The following DEAF1 variants were observed in gnomAD, a reference collection of about 807,000 sequenced individuals.
DEAF1 encodes the protein DEAF1 transcription factor.
A neutral mutation model predicts 58.9 loss-of-function variants in DEAF1; 53 were observed. That is an observed-to-expected ratio of 0.90 (90% CI 0.72 to 1.13). The LOEUF (loss-of-function observed/expected upper bound fraction) is 1.13, where lower values mean the gene tolerates loss of function less well. DEAF1 is among the 50% of genes most tolerant of loss of function. DEAF1 has a pLI of 0.00. For synonymous variants in DEAF1, 385 were observed against 340.4 expected (o/e 1.13, Z -1.44); for missense variants, 685 against 791.4 (o/e 0.87, Z 1.61).
chr11:703,663 G>C, intron 1 of DEAF1: 1 of 1,232,498 alleles, frequency 8.1e-7, no homozygotes, highest in Non-Finnish European at 1.0e-6. Flanking sequence ...CTTGTGCTCT[G>C]AGCAACCCCA....
chr11:676,591 C>G (rs1032001539), intron 9 of DEAF1, among the ~76,000 whole-genome samples: 4 of 151,838 alleles, frequency 2.6e-5, no homozygotes, highest in African/African-American at 4.8e-5. Flanking sequence ...TGGCTCACTG[C>G]CCTCCCGGGT....
chr11:660,741 G>A (rs955204620), intron 10 of DEAF1, among the ~76,000 whole-genome samples: 3 of 152,224 alleles, frequency 2.0e-5, no homozygotes, highest in African/African-American at 7.2e-5. Flanking sequence ...GTCTGGCCGG[G>A]CCTATTTGGC....
intron 10 of DEAF1, among the ~76,000 whole-genome samples, chr11:670,771 G>GT (rs199899292): frequency 1.1e-3 from 49 of 45,286 alleles, no homozygotes; most frequent in Non-Finnish European, 1.3e-3. Context: ...TTTTCTTTTT[G>GT]TTTTTGTTTT....
At chr11:680,481 G>A (rs910317581) in intron 7 of DEAF1, among the ~76,000 whole-genome samples, 4 of 152,190 alleles carry the variant, frequency 2.6e-5, no homozygotes, top group African/African-American at 7.2e-5. Flanking sequence ...ATGGTGGCAC[G>A]TGCCTGTGGT....
At chr11:657,107 GACCCACCTGGC>G (rs146245170) in intron 10 of DEAF1, among the ~76,000 whole-genome samples, 11,918 of 152,004 alleles carry the variant, frequency 0.078, 615 homozygotes, top group Admixed American at 0.18. Flanking sequence ...AGCAGCACCG[GACCCACCTGGC>G]ACCCACCTGG....
intron 10 of DEAF1, among the ~76,000 whole-genome samples, chr11:662,596 G>A (rs1186346869): frequency 1.3e-5 from 2 of 152,160 alleles, no homozygotes; most frequent in East Asian, 3.9e-4. Flanking sequence ...CAGGTGAAGG[G>A]ACACAGGTTG....
chr11:651,763 G>A (rs1858783142), intron 11 of DEAF1, among the ~76,000 whole-genome samples: 1 of 152,192 alleles, frequency 6.6e-6, no homozygotes. Flanking sequence ...GCGGGTGCCT[G>A]TGGTCCCAGC....
intron 9 of DEAF1, among the ~76,000 whole-genome samples, chr11:675,348 G>C (rs1372982692): frequency 2.0e-5 from 3 of 152,212 alleles, no homozygotes; most frequent in African/African-American, 7.2e-5. Flanking sequence ...GCAGGACCTT[G>C]CCTCTACAAA....
At chr11:681,477 C>A (rs1860368002) in intron 6 of DEAF1, among the ~76,000 whole-genome samples, 1 of 149,796 alleles carries the variant, frequency 6.7e-6, no homozygotes, top group African/African-American at 2.5e-5. Flanking sequence ...GTGGCACAAT[C>A]TGGGCTCACT....
At chr11:678,504 G>A in intron 9 of DEAF1, 190 bp downstream of exon 9, 2 of 773,474 alleles carry the variant, frequency 2.6e-6, no homozygotes, top group South Asian at 1.5e-5. Context: ...ATGAATGGAC[G>A]TGGCTGTGTG....
intron 9 of DEAF1, among the ~76,000 whole-genome samples, chr11:676,357 C>G (rs1860080810): frequency 7.8e-6 from 1 of 128,264 alleles, no homozygotes; most frequent in African/African-American, 3.0e-5. Context: ...CTGACATCCC[C>G]GAGCACTCAG....
intron 1 of DEAF1, chr11:703,991 T>C: frequency 8.2e-7 from 1 of 1,225,568 alleles, no homozygotes; most frequent in Non-Finnish European, 1.0e-6. Context: ...CCTTAAAAAG[T>C]ATCTAAGCTG....
At chr11:702,941 C>G (rs996706507) in intron 1 of DEAF1, 1 of 1,604,136 alleles carries the variant, frequency 6.2e-7, no homozygotes, top group African/African-American at 1.3e-5. Context: ...GCTCTGTTCT[C>G]CAGGCACCAG....
At chr11:698,507 C>T (rs1010179086), upstream of DEAF1, among the ~76,000 whole-genome samples, 1 of 152,190 alleles carries the variant, frequency 6.6e-6, no homozygotes, top group African/African-American at 2.4e-5. Context: ...GTGGCAAATA[C>T]GGAGAAGCCA....
chr11:667,215 T>C (rs1210299258), intron 10 of DEAF1, among the ~76,000 whole-genome samples: 4 of 152,000 alleles, frequency 2.6e-5, no homozygotes, highest in African/African-American at 9.7e-5. Context: ...CTAGCTACTC[T>C]GGAGGCTAAG....
Position 644,571 on chromosome 11 carries a change from C to T in DEAF1, c.1677G>A (p.Val559=). Residue 559 remains valine, a synonymous_variant, in exon 12 of 12, where the codon GTG becomes GTA. Transcript: ENST00000382409. The surrounding 1 kb of genome is among the most constrained non-coding windows in gnomAD (Gnocchi z 4.3). The stretch of plus-strand genomic sequence containing the variant: ...AGCCTCACACGGTCACCTTCTCCAT[C>T]ACGCTTTCAGCCACGTGGACTTCGT... ...QADEVHVAES[V]MEKVTV 1 of 1,613,098 alleles carries T rather than the reference C, an allele frequency of 6.2e-7. No individual in the cohort carries two copies. The highest frequency in any genetic ancestry group is 1.7e-5 in the Admixed American group (1 of 60,006).
chr11:700,598 G>A (rs751098365), intron 1 of DEAF1: 14 of 1,608,598 alleles, frequency 8.7e-6, no homozygotes, highest in South Asian at 3.3e-5. Context: ...TGTTCCGTCC[G>A]CGCCTCTGCT....
intron 8 of DEAF1, 22 bp downstream of exon 8, chr11:679,666 G>C: frequency 6.2e-7 from 1 of 1,609,516 alleles, no homozygotes; most frequent in Non-Finnish European, 8.5e-7. Context: ...GGACGCGTCA[G>C]GCAGGCACTG....
intron 5 of DEAF1, among the ~76,000 whole-genome samples, chr11:685,527 T>C (rs1860555957): frequency 1.3e-5 from 2 of 151,710 alleles, no homozygotes; most frequent in Non-Finnish European, 2.9e-5. Flanking sequence ...AAACCTCGTG[T>C]CTGCTAAAAA....
Sources: gnomAD v4.1 joint callset for allele counts (sites outside exome capture counted in the v4.1 genomes callset) on GRCh38, gnomAD v4.1.1 for gene constraint, Gnocchi (gnomAD v3.1) non-coding constraint, MANE v1.5 for transcripts, NCBI Gene and HGNC (gene_info 2026-07-23, HGNC 2026-07-21) for gene names.